The following NTM variants were observed in gnomAD, a reference collection of about 807,000 sequenced individuals.
NTM encodes IgLON family member 2.
A neutral mutation model predicts 42.1 loss-of-function variants in NTM; 13 were observed. That is an observed-to-expected ratio of 0.31 (90% CI 0.20 to 0.49). NTM has a LOEUF of 0.49. NTM is among the 20% of genes least tolerant of loss of function. The pLI, the probability that NTM is intolerant of heterozygous loss-of-function variation, is 0.99. For synonymous variants in NTM, 187 were observed against 179.2 expected (o/e 1.04, Z -0.35); for missense variants, 373 against 452.8 (o/e 0.82, Z 1.60).
chr11:131,667,357 T>G (rs1351726704), intron 1 of NTM, among the ~76,000 whole-genome samples: 1 of 152,136 alleles, frequency 6.6e-6, no homozygotes, highest in Non-Finnish European at 1.5e-5. Context: ...TGACCCTCAG[T>G]ACCTTTAATA....
intron 1 of NTM, among the ~76,000 whole-genome samples, chr11:131,446,113 C>T (rs1005453340): frequency 1.3e-5 from 2 of 152,194 alleles, no homozygotes; most frequent in African/African-American, 4.8e-5. Flanking sequence ...TTAAGTCCAA[C>T]CCAATTCCCC....
chr11:131,826,420 G>T (rs2042132310), intron 1 of NTM, among the ~76,000 whole-genome samples: 1 of 152,068 alleles, frequency 6.6e-6, no homozygotes, highest in African/African-American at 2.4e-5. Flanking sequence ...TGGGAGGGTG[G>T]ATGATCATCA....
At chr11:132,034,158 A>G (rs1365521476) in intron 2 of NTM, among the ~76,000 whole-genome samples, 1 of 152,186 alleles carries the variant, frequency 6.6e-6, no homozygotes, top group East Asian at 1.9e-4. Context: ...TCAGAATGAG[A>G]AAAATCTTCC....
intron 1 of NTM, among the ~76,000 whole-genome samples, chr11:131,874,015 T>TATATAATATA (rs1314514357): frequency 4.4e-5 from 3 of 67,512 alleles, no homozygotes; most frequent in African/African-American, 1.1e-4. Flanking sequence ...ATAATATATT[T>TATATAATATA]ATATAATATA....
chr11:132,182,633 A>C (rs2077742661), intron 3 of NTM, among the ~76,000 whole-genome samples: 2 of 152,218 alleles, frequency 1.3e-5, no homozygotes, highest in South Asian at 4.1e-4. Flanking sequence ...TGATGGCAGT[A>C]GTAATCTGGT....
At chr11:131,523,782 C>CAAAAAAAAAAAAAAAAA (rs3040114) in intron 1 of NTM, among the ~76,000 whole-genome samples, 2 of 72,172 alleles carry the variant, frequency 2.8e-5, no homozygotes, top group African/African-American at 5.1e-5. Flanking sequence ...GACTCCATCT[C>CAAAAAAAAAAAAAAAAA]AAAAAAAAAA....
intron 1 of NTM, among the ~76,000 whole-genome samples, chr11:131,614,318 C>T (rs767839924): frequency 3.3e-5 from 5 of 152,204 alleles, no homozygotes; most frequent in Admixed American, 2.0e-4. Flanking sequence ...CCAGAAGGGC[C>T]GTGCAGAGTT....
At chr11:132,217,621 C>A (rs977486569) in intron 4 of NTM, among the ~76,000 whole-genome samples, 1 of 151,980 alleles carries the variant, frequency 6.6e-6, no homozygotes, top group African/African-American at 2.4e-5. Flanking sequence ...CTTTACCTAA[C>A]GTGAAGTGGG....
intron 1 of NTM, among the ~76,000 whole-genome samples, chr11:131,818,760 T>C (rs1422611285): frequency 1.3e-5 from 2 of 152,166 alleles, no homozygotes; most frequent in African/African-American, 4.8e-5. Context: ...CACTTACCGA[T>C]CATCTGAGTG....
intron 1 of NTM, among the ~76,000 whole-genome samples, chr11:131,761,610 C>T (rs1160860135): frequency 6.6e-6 from 1 of 151,930 alleles, no homozygotes; most frequent in East Asian, 1.9e-4. Context: ...TGGAGACTAT[C>T]CTCCTGACCA....
At chr11:132,063,606 C>T (rs1480996743) in intron 2 of NTM, among the ~76,000 whole-genome samples, 1 of 152,160 alleles carries the variant, frequency 6.6e-6, no homozygotes, top group Non-Finnish European at 1.5e-5. Flanking sequence ...CCTCCGGTGC[C>T]CTAATTGTGC....
intron 2 of NTM, among the ~76,000 whole-genome samples, chr11:131,996,037 T>C (rs898439910): frequency 6.6e-6 from 1 of 152,178 alleles, no homozygotes; most frequent in Non-Finnish European, 1.5e-5. Context: ...GCTTTAAGAC[T>C]GGGAGCATTA....
chr11:131,832,797 T>C (rs2042985472), intron 1 of NTM, among the ~76,000 whole-genome samples: 1 of 152,236 alleles, frequency 6.6e-6, no homozygotes, highest in African/African-American at 2.4e-5. Context: ...TACGTGCATA[T>C]GTATGCACAT....
At chr11:131,464,790 A>G (rs1951736610) in intron 1 of NTM, among the ~76,000 whole-genome samples, 1 of 152,116 alleles carries the variant, frequency 6.6e-6, no homozygotes, top group South Asian at 2.1e-4. Context: ...TCTGCGAGGG[A>G]TCTAGGAGAG....
At chr11:132,091,925 T>A (rs563979381) in intron 2 of NTM, among the ~76,000 whole-genome samples, 5 of 150,198 alleles carry the variant, frequency 3.3e-5, no homozygotes, top group Non-Finnish European at 5.9e-5. Context: ...ATAAATAAAT[T>A]AATGAATGAA....
At chr11:131,831,699 GAA>G (rs1359987647) in intron 1 of NTM, among the ~76,000 whole-genome samples, 1 of 152,024 alleles carries the variant, frequency 6.6e-6, no homozygotes, top group African/African-American at 2.4e-5. Flanking sequence ...AAATTCTAGG[GAA>G]AAGTCTTCTG....
chr11:131,498,080 C>A (rs1439896730), intron 1 of NTM, among the ~76,000 whole-genome samples: 1 of 152,314 alleles, frequency 6.6e-6, no homozygotes, highest in East Asian at 1.9e-4. Flanking sequence ...TCCATCGCTC[C>A]ATCTGCGAGA....
chr11:131,580,410 A>G (rs2058302114), intron 1 of NTM, among the ~76,000 whole-genome samples: 2 of 152,048 alleles, frequency 1.3e-5, no homozygotes, highest in Non-Finnish European at 2.9e-5. Context: ...GCCCTCTCCC[A>G]CCACCTGCCA....
intron 1 of NTM, among the ~76,000 whole-genome samples, chr11:131,807,010 C>T (rs973397750): frequency 3.2e-4 from 49 of 152,112 alleles, no homozygotes; most frequent in South Asian, 2.1e-4. Flanking sequence ...GGATGAGCAA[C>T]GTTAAAGGCC....
Sources: gnomAD v4.1 joint callset for allele counts (sites outside exome capture counted in the v4.1 genomes callset) on GRCh38, gnomAD v4.1.1 for gene constraint, MANE v1.5 for transcripts, NCBI Gene and HGNC (gene_info 2026-07-23, HGNC 2026-07-21) for gene names.